Variants in ACSF3 observed in about 807,000 individuals in gnomAD.
ACSF3 encodes the protein acyl-CoA synthetase family member 3, also known as malonate--CoA ligase ACSF3, mitochondrial.
ACSF3 carries 78 observed loss-of-function variants against 53.2 expected under a neutral mutation model. The ratio of observed to expected loss-of-function variants is 1.47; its 90% CI spans 1.22 to 1.77. ACSF3 has a LOEUF of 1.77. ACSF3 is among the 40% of genes most tolerant of loss of function. The pLI, the probability that ACSF3 is intolerant of heterozygous loss-of-function variation, is 0.00. For missense variants in ACSF3, 937 were observed against 771.1 expected, an observed-to-expected ratio of 1.22 and a Z score of -2.55; for synonymous variants, 414 against 333.1, an observed-to-expected ratio of 1.24 and a Z score of -2.65.
At chr16:89,147,208 A>G (rs868670696) in intron 10 of ACSF3, among the ~76,000 whole-genome samples, 1,105 of 19,084 alleles carry the variant, frequency 0.058, 13 homozygotes, top group African/African-American at 0.063. Flanking sequence ...AGTGAGTGAG[A>G]GAGGAGGGAG....
intron 8 of ACSF3, among the ~76,000 whole-genome samples, chr16:89,144,592 A>G (rs1912529530): frequency 6.6e-6 from 1 of 152,154 alleles, no homozygotes; most frequent in African/African-American, 2.4e-5. Flanking sequence ...TTTGGCCTGG[A>G]TTCTTTTGTG....
At chr16:89,140,872 A>C (rs537926455) in intron 8 of ACSF3, among the ~76,000 whole-genome samples, 1 of 152,350 alleles carries the variant, frequency 6.6e-6, no homozygotes, top group African/African-American at 2.4e-5. Context: ...AAAGCAGCTC[A>C]TAAATCCAGG....
intron 1 of ACSF3, among the ~76,000 whole-genome samples, chr16:89,096,100 C>T (rs1226447723): frequency 6.6e-6 from 1 of 152,118 alleles, no homozygotes; most frequent in Admixed American, 6.5e-5. Context: ...TCAGTGGTTC[C>T]AGTACGCCTT....
intron 10 of ACSF3, chr16:89,152,313 T>C (rs190678681): frequency 4.6e-5 from 7 of 152,276 alleles, no homozygotes; most frequent in African/African-American, 1.7e-4. Flanking sequence ...AATAAAACTT[T>C]AGATTCCCAC....
At chr16:89,132,403 G>A (rs911170107) in intron 7 of ACSF3, among the ~76,000 whole-genome samples, 11 of 152,324 alleles carry the variant, frequency 7.2e-5, no homozygotes, top group African/African-American at 2.2e-4. Context: ...CAGACCCACC[G>A]TGTCCAGGGC....
chr16:89,123,989 A>G (rs545858799), intron 7 of ACSF3, among the ~76,000 whole-genome samples: 1 of 149,104 alleles, frequency 6.7e-6, no homozygotes, highest in South Asian at 2.1e-4. Flanking sequence ...CATGGGTATC[A>G]CATGCAGTGC....
intron 8 of ACSF3, chr16:89,136,507 A>G: frequency 2.4e-6 from 3 of 1,237,076 alleles, no homozygotes; most frequent in Non-Finnish European, 3.1e-6. Context: ...ATGATATTAA[A>G]TAGAAATCAG....
intron 8 of ACSF3, 65 bp from the exon 9 acceptor site, chr16:89,145,202 C>G (rs539915265): frequency 6.2e-7 from 1 of 1,613,572 alleles, no homozygotes; most frequent in South Asian, 1.1e-5. Context: ...AACCAGAGCC[C>G]CTTTTCCTCA....
chr16:89,149,783 G>C (rs1913767127), intron 10 of ACSF3: 1 of 152,202 alleles, frequency 6.6e-6, no homozygotes, highest in South Asian at 2.1e-4. Flanking sequence ...GTAACCTTTG[G>C]TTGGTTAAAA....
At chr16:89,112,707 CGTCT>C (rs978093460) in intron 5 of ACSF3, among the ~76,000 whole-genome samples, 11 of 152,126 alleles carry the variant, frequency 7.2e-5, no homozygotes, top group Admixed American at 1.3e-4. Context: ...TCTTTGTCTC[CGTCT>C]GTCTGTCTGC....
intron 8 of ACSF3, among the ~76,000 whole-genome samples, chr16:89,144,319 C>T (rs1912471905): frequency 6.6e-6 from 1 of 152,264 alleles, no homozygotes; most frequent in South Asian, 2.1e-4. Context: ...CACGTCGTGG[C>T]TTTGCCTTAG....
At chr16:89,141,023 T>C (rs1247742368) in intron 8 of ACSF3, 4 of 1,234,470 alleles carry the variant, frequency 3.2e-6, no homozygotes, top group Admixed American at 2.6e-5. Flanking sequence ...TAGGTTGTTA[T>C]GGAAAGTAAA....
chr16:89,120,162 C>T (rs111694203), intron 6 of ACSF3, among the ~76,000 whole-genome samples: 7 of 152,378 alleles, frequency 4.6e-5, no homozygotes, highest in African/African-American at 1.4e-4. Flanking sequence ...GCTCTGCCCC[C>T]ACCCCGGCCA....
At position 89,101,252 on chromosome 16, in the gene ACSF3, G is replaced by C; in HGVS notation, c.571G>C (p.Gly191Arg). 1 of 1,601,918 alleles carries C rather than the reference G, an allele frequency of 6.2e-7. No homozygotes were observed. Reference sequence around the variant, plus strand: ...GGCAGAGGTCCCGGTCCCAGAGCAGGGATGGAGGAACAAGGGCGCCATGAT... The same window carrying C: ...GGCAGAGGTCCCGGTCCCAGAGCAGCGATGGAGGAACAAGGGCGCCATGAT... ...EPAEVPVPEQ[G>R]WRNKGAMIIY... is the part of the protein sequence containing the mutation. Residue 191 changes from glycine to arginine, a missense_variant, in exon 3 of 11, where the codon GGA (glycine) becomes CGA (arginine). Physicochemically the swap from Gly to Arg is moderately radical, Grantham distance 125. Transcript: ENST00000614302.
chr16:89,135,756 C>T (rs372809124), intron 8 of ACSF3, among the ~76,000 whole-genome samples: 1 of 152,204 alleles, frequency 6.6e-6, no homozygotes, highest in Non-Finnish European at 1.5e-5. Context: ...ATCCGACTCA[C>T]GCTGCAGTTG....
At position 89,154,896 on chromosome 16, in the gene ACSF3, C is replaced by T. The variant is rs1022619639; in HGVS notation, c.*689C>T. The T allele has an allele frequency of 2.2e-6, 1 of 454,118 alleles. No individual in the cohort carries two copies. The highest frequency in any genetic ancestry group is 4.4e-6 in the Non-Finnish European group (1 of 226,800). 28.1% of individuals were successfully genotyped at this position (454,118 alleles called of 1,614,324 possible). On this transcript the variant is annotated 3_prime_UTR_variant, in exon 11 of 11. Coordinates refer to ENST00000614302, the MANE Select transcript of ACSF3 (RefSeq NM_001243279.3). ...GCTCTGCCGTGACCCTGCCTCACCC[C>T]CCAGCGCAGGGACTTTCCAGGTCAT...
chr16:89,140,110 T>C (rs1911455310), intron 8 of ACSF3, among the ~76,000 whole-genome samples: 1 of 152,228 alleles, frequency 6.6e-6, no homozygotes, highest in Non-Finnish European at 1.5e-5. Context: ...TGGATGGCAC[T>C]GGGGTCCAGG....
Position 89,102,665 on chromosome 16 carries a change from C to A in ACSF3, c.728C>A (p.Pro243Gln). 3.1e-6 allele frequency: 5 copies of A among 1,613,898 alleles called. No individual in the cohort carries two copies. Among genetic ancestry groups the A allele is most frequent in the Non-Finnish European group, 4.2e-6 (5 of 1,180,040 alleles). The change falls in exon 4 of 11, where the codon CCG becomes CAG. Residue 243 changes from proline (P) to glutamine (Q), a missense_variant. Coordinates refer to ENST00000614302, the MANE Select transcript of ACSF3 (RefSeq NM_001243279.3). Reference protein sequence around the residue: ...TKDDVILHVLPLHHVHGVVNA... With the variant: ...TKDDVILHVLQLHHVHGVVNA... ...GACGACGTGATCCTCCACGTGCTCC[C>A]GCTGCACCACGTCCATGGTGTGGTC...
In ACSF3 at chr16:89,116,465, A is replaced by G. The variant is rs551678487; in HGVS notation, c.1126+1978A>G. ...CTGGCTGCTGGGCTGGGAGGAGGAG[A>G]GACTGTAGGCTCACGCCCCTTTGCT... is the stretch of plus-strand genomic sequence containing the variant. On this transcript the variant is annotated intron_variant, in intron 6 of 10. Transcript: ENST00000614302. 4.6e-5 allele frequency among the ~76,000 whole-genome samples: 7 copies of G among 151,990 alleles called. No individual in the cohort carries two copies. In the South Asian group the frequency reaches 1.5e-3, roughly 32 times the overall value.
Sources: gnomAD v4.1 joint callset for allele counts (sites outside exome capture counted in the v4.1 genomes callset) on GRCh38, gnomAD v4.1.1 for gene constraint, MANE v1.5 for transcripts, NCBI Gene and HGNC (gene_info 2026-07-23, HGNC 2026-07-21) for gene names.